Variants in ZMYM2 observed in about 807,000 individuals in gnomAD.
The protein encoded by ZMYM2 is zinc finger MYM-type protein 2.
In ZMYM2, 56 loss-of-function variants were observed where a neutral mutation model predicts 162.8. The ratio of observed to expected loss-of-function variants is 0.34; its 90% CI spans 0.28 to 0.43. ZMYM2 has a LOEUF of 0.43. ZMYM2 is among the 20% of genes least tolerant of loss of function. The pLI, the probability that ZMYM2 is intolerant of heterozygous loss-of-function variation, is 1.00. For synonymous variants in ZMYM2, 510 were observed against 541.6 expected (o/e 0.94, Z 0.81); for missense variants, 1,275 against 1,621.8 (o/e 0.79, Z 3.67).
intron 21 of ZMYM2, among the ~76,000 whole-genome samples, chr13:20,074,562 G>A (rs1357459744): frequency 7.9e-6 from 1 of 126,324 alleles, no homozygotes; most frequent in Admixed American, 8.6e-5. Context: ...TTTTTGAGAC[G>A]GAGTCTTACT....
In ZMYM2 at chr13:20,027,219, C is replaced by T; in HGVS notation, c.1752C>T (p.Cys584=). The T allele has an allele frequency of 1.9e-6, 3 of 1,574,076 alleles. No homozygotes were observed. The highest frequency in any genetic ancestry group is 2.3e-5 in the South Asian group (2 of 85,552). The change falls in exon 9 of 25, where the codon TGC becomes TGT. Residue 584 remains cysteine, a synonymous_variant. Coordinates refer to ENST00000610343, the MANE Select transcript of ZMYM2 (RefSeq NM_197968.4). ...YAKSQSLGII[C]HFCKRNSLPQ... ...CTTTCCTAGGTTTGGGAATTATTTG[C>T]CATTTTTGTAAGCGAAACTCTTTAC...
At chr13:19,903,871 AT>A in the ZMYM2 span, among the ~76,000 whole-genome samples, 5 of 151,968 alleles carry the variant, frequency 3.3e-5, no homozygotes, top group African/African-American at 1.2e-4. Flanking sequence ...AGAAAATTAA[AT>A]AATAATATTA....
chr13:20,031,398 A>G lies in ZMYM2; in HGVS notation c.1931A>G (p.Asn644Ser), dbSNP rs1260005972. The G allele has an allele frequency of 6.2e-7, 1 of 1,608,204 alleles. No homozygotes were observed. Among genetic ancestry groups the G allele is most frequent in the South Asian group, 1.1e-5 (1 of 89,916 alleles). ...CAGTTGAAATGCAACTACTGCAAAA[A>G]TTCCTTTTGTTCAAAACCAGAAATC... The part of the protein sequence containing the change: ...DIQLKCNYCK[N>S]SFCSKPEILE... Residue 644 changes from asparagine (N) to serine (S), a missense_variant, in exon 10 of 25, where the codon AAT becomes AGT. Asn to Ser is a conservative substitution (Grantham distance 46, BLOSUM62 1). Around this residue, in one of 10 missense-constraint regions of ZMYM2, gnomAD observed 276 missense variants for 311.8 expected, o/e 0.89. Coordinates refer to ENST00000610343, the MANE Select transcript of ZMYM2 (RefSeq NM_197968.4).
At position 20,008,214 on chromosome 13, in the gene ZMYM2, A is replaced by C. The variant is rs188495269; in HGVS notation, c.1512+1628A>C. Among the ~76,000 whole-genome samples the C allele has an allele frequency of 1.5e-4, 23 of 152,086 alleles. No homozygotes were observed. The East Asian group carries it at 4.5e-3, about 30-fold the overall frequency. On this transcript the variant is annotated intron_variant, in intron 6 of 24. Coordinates refer to ENST00000610343, the MANE Select transcript of ZMYM2 (RefSeq NM_197968.4). Reference sequence around the variant, plus strand: ...GTGCAATCTCAGCTCACTGCAGTCTACTTTTCCTGGGTTCAAATGATTCTC... The same window carrying C: ...GTGCAATCTCAGCTCACTGCAGTCTCCTTTTCCTGGGTTCAAATGATTCTC...
At chr13:19,877,463 G>A in the ZMYM2 span, among the ~76,000 whole-genome samples, 1 of 152,188 alleles carries the variant, frequency 6.6e-6, no homozygotes, top group Non-Finnish European at 1.5e-5. Context: ...CCATTCCTGT[G>A]AGAGTAAGAA....
At chr13:19,954,330 G>A (rs567345255), upstream of ZMYM2, among the ~76,000 whole-genome samples, 109 of 151,054 alleles carry the variant, frequency 7.2e-4, 2 homozygotes, top group South Asian at 0.019. Flanking sequence ...GGGTTTCACC[G>A]TGGTCTCGAT....
intron 21 of ZMYM2, among the ~76,000 whole-genome samples, chr13:20,073,676 G>T (rs1005439840): frequency 6.6e-6 from 1 of 152,026 alleles, no homozygotes; most frequent in Non-Finnish European, 1.5e-5. Context: ...AATTTTCCTT[G>T]ACTTAAGGAA....
intron 13 of ZMYM2, 141 bp from the exon 14 acceptor site, chr13:20,052,135 AT>A: frequency 3.0e-6 from 2 of 677,208 alleles, no homozygotes; most frequent in Non-Finnish European, 4.7e-6. Context: ...CTTTATACAA[AT>A]TTGAAATTCT....
intron 9 of ZMYM2, among the ~76,000 whole-genome samples, chr13:20,029,798 T>TA (rs1244278249): frequency 6.6e-6 from 1 of 151,870 alleles, no homozygotes; most frequent in Non-Finnish European, 1.5e-5. Context: ...TCTTATTCTG[T>TA]AAATTTTTTT....
the ZMYM2 span, among the ~76,000 whole-genome samples, chr13:19,931,893 G>A: frequency 6.6e-6 from 1 of 152,178 alleles, no homozygotes; most frequent in African/African-American, 2.4e-5. Context: ...CCAAAGTCCT[G>A]GGATTACAGT....
chr13:19,996,215 T>C (rs1256329263), intron 3 of ZMYM2, among the ~76,000 whole-genome samples: 1 of 152,166 alleles, frequency 6.6e-6, no homozygotes, highest in East Asian at 1.9e-4. Flanking sequence ...GCTATATGAA[T>C]TGCTAGTTAT....
chr13:19,965,343 C>A, intron 2 of ZMYM2: 1 of 878,048 alleles, frequency 1.1e-6, no homozygotes, highest in Non-Finnish European at 1.6e-6. Context: ...GACTTCTCTT[C>A]TAATACTGGA....
At chr13:20,063,076 T>G in intron 18 of ZMYM2, 105 bp downstream of exon 18, 2 of 1,289,376 alleles carry the variant, frequency 1.6e-6, no homozygotes, top group Non-Finnish European at 2.1e-6. Context: ...AGTGTTCATA[T>G]TTTTTATTCT....
chr13:19,964,758 G>A (rs185891329), intron 2 of ZMYM2, among the ~76,000 whole-genome samples: 3 of 151,832 alleles, frequency 2.0e-5, no homozygotes, highest in South Asian at 2.1e-4. Context: ...GAATTTCAAG[G>A]TCAGATTAGT....
chr13:19,918,841 A>AT, the ZMYM2 span, among the ~76,000 whole-genome samples: 14 of 151,962 alleles, frequency 9.2e-5, no homozygotes, highest in East Asian at 1.9e-4. Flanking sequence ...TAAAGGAGGC[A>AT]TTTTTTTCAA....
chr13:20,083,522 C>T, intron 23 of ZMYM2, 134 bp from the exon 24 acceptor site: 1 of 669,564 alleles, frequency 1.5e-6, no homozygotes, highest in Non-Finnish European at 2.4e-6. Flanking sequence ...AAAAATTGTA[C>T]ATTACCAGAA....
chr13:19,960,980 G>A (rs1199666954), intron 2 of ZMYM2, among the ~76,000 whole-genome samples: 1 of 152,164 alleles, frequency 6.6e-6, no homozygotes, highest in Non-Finnish European at 1.5e-5. Flanking sequence ...GATGATGTGA[G>A]AATAGTAACT....
intron 2 of ZMYM2, among the ~76,000 whole-genome samples, chr13:19,979,158 T>A (rs557189284): frequency 1.1e-4 from 17 of 152,218 alleles, no homozygotes; most frequent in Non-Finnish European, 1.9e-4. Context: ...TTGAACCAGA[T>A]GAGTCTCTTC....
the ZMYM2 span, among the ~76,000 whole-genome samples, chr13:19,906,297 T>TATATATATATATATAC: frequency 1.3e-4 from 13 of 100,712 alleles, no homozygotes; most frequent in African/African-American, 4.1e-4. Context: ...TATATATATA[T>TATATATATATATATAC]ATATATATAT....
Sources: gnomAD v4.1 joint callset for allele counts (sites outside exome capture counted in the v4.1 genomes callset) on GRCh38, gnomAD v4.1.1 for gene constraint, gnomAD v4.1.1 regional missense constraint, MANE v1.5 for transcripts, NCBI Gene and HGNC (gene_info 2026-07-23, HGNC 2026-07-21) for gene names.